MACROH2A1: variants seen among roughly 807,000 people sequenced by gnomAD.
MACROH2A1 encodes macroH2A.1 histone.
In MACROH2A1, 2 loss-of-function variants were observed where a neutral mutation model predicts 31.6. The ratio of observed to expected loss-of-function variants is 0.06; its 90% CI spans 0.03 to 0.20. The LOEUF (loss-of-function observed/expected upper bound fraction) is 0.20, where lower values mean the gene tolerates loss of function less well. Among genes scored for constraint, MACROH2A1 ranks in the 10% least tolerant of loss-of-function variants. The pLI is 1.00. For missense variants in MACROH2A1, 230 were observed against 474.0 expected (o/e 0.49, Z 4.78); for synonymous variants, 169 against 189.6 (o/e 0.89, Z 0.89).
At chr5:135,388,447 G>A (rs1766729162) in intron 2 of MACROH2A1, among the ~76,000 whole-genome samples, 2 of 152,166 alleles carry the variant, frequency 1.3e-5, no homozygotes, top group Non-Finnish European at 2.9e-5. Context: ...CCAGATTGGA[G>A]GACATTCTGC....
intron 5 of MACROH2A1, chr5:135,359,955 T>G: frequency 1.0e-6 from 1 of 957,394 alleles, no homozygotes; most frequent in Non-Finnish European, 1.2e-6. Context: ...GAAAATATAT[T>G]GCCCATGGTT....
chr5:135,362,448 AGAG>A (rs1762956470), intron 4 of MACROH2A1: 1 of 152,266 alleles, frequency 6.6e-6, no homozygotes, highest in South Asian at 2.1e-4. Flanking sequence ...CAAAGAGTTC[AGAG>A]GACTGAATGA....
At chr5:135,357,932 A>ACCTT (rs1210507767) in intron 5 of MACROH2A1, 1 of 984,910 alleles carries the variant, frequency 1.0e-6, no homozygotes, top group African/African-American at 1.7e-5. Context: ...GCACAATATC[A>ACCTT]CCTTTCTCCA....
At chr5:135,386,864 G>C (rs1026468205) in intron 2 of MACROH2A1, among the ~76,000 whole-genome samples, 6 of 152,324 alleles carry the variant, frequency 3.9e-5, no homozygotes, top group African/African-American at 1.4e-4. Context: ...GGTTGTACTT[G>C]ACCTAATGAT....
In MACROH2A1 at chr5:135,397,661, C is replaced by G. The variant is rs557330330; in HGVS notation, c.-34+1401G>C. On this transcript the variant is annotated intron_variant, in intron 1 of 8. Transcript: ENST00000511689. Reference sequence around the variant, plus strand: ...AACATACTCATCCTCATCAGAGAGTCTCTTGTGCAAGACTGAGATGCTGCT... The same window carrying G: ...AACATACTCATCCTCATCAGAGAGTGTCTTGTGCAAGACTGAGATGCTGCT... Among the ~76,000 whole-genome samples the G allele has an allele frequency of 5.3e-5, 8 of 152,318 alleles. No homozygotes were observed. The East Asian group carries it at 1.5e-3, about 29-fold the overall frequency.
chr5:135,359,358 C>G, intron 5 of MACROH2A1: 1 of 984,954 alleles, frequency 1.0e-6, no homozygotes, highest in Non-Finnish European at 1.2e-6. Context: ...GTCTTCACTG[C>G]TGAGTCGAAA....
chr5:135,360,546 G>C lies in MACROH2A1; in HGVS notation c.539C>G (p.Ala180Gly). Reference sequence around the variant, plus strand: ...GGTGGAGAGGACTGTGAAGCCGTCGGCAGGTGTGCCCTCGGTTGTGCTGTC... The same window carrying C: ...GGTGGAGAGGACTGTGAAGCCGTCGCCAGGTGTGCCCTCGGTTGTGCTGTC... ...SADSTTEGTP[A>G]DGFTVLSTKS... Residue 180 changes from alanine to glycine, a missense_variant, in exon 5 of 9, where the codon GCC becomes GGC. Ala to Gly is a moderately conservative substitution (Grantham distance 60). Coordinates refer to ENST00000511689, the MANE Select transcript of MACROH2A1 (RefSeq NM_138610.3). 1 of 1,614,046 alleles carries C rather than the reference G, an allele frequency of 6.2e-7. No homozygotes were observed. The highest frequency in any genetic ancestry group is 8.5e-7 in the Non-Finnish European group (1 of 1,179,898).
chr5:135,370,400 C>CTGAG (rs981656572), intron 2 of MACROH2A1, among the ~76,000 whole-genome samples: 77 of 152,304 alleles, frequency 5.1e-4, no homozygotes, highest in African/African-American at 1.6e-3. Context: ...CTGAAGATCA[C>CTGAG]TGAGTGAGTG....
rs573664675 is a variant in MACROH2A1 at position 135,398,769 on chromosome 5, G to A, written c.-34+293C>T. Among the ~76,000 whole-genome samples the A allele has an allele frequency of 2.3e-4, 35 of 152,354 alleles. No homozygotes were observed. The East Asian group carries it at 6.0e-3, about 26-fold the overall frequency. On this transcript the variant is annotated intron_variant, in intron 1 of 8. Coordinates refer to ENST00000511689, the MANE Select transcript of MACROH2A1 (RefSeq NM_138610.3). The surrounding 1 kb of genome is among the most constrained non-coding windows in gnomAD (Gnocchi z 4.6). ...GGTCGCCAGGGTAGGCGCCAGCACC[G>A]CTTTTTTCCCACAAAAGCGCCCAGG...
intron 2 of MACROH2A1, among the ~76,000 whole-genome samples, chr5:135,381,702 A>C (rs1249782983): frequency 6.6e-6 from 1 of 152,272 alleles, no homozygotes; most frequent in Admixed American, 6.5e-5. Context: ...CAGTGACTGA[A>C]TCTGTTTAAT....
intron 5 of MACROH2A1, chr5:135,359,759 T>C (rs573785683): frequency 2.1e-6 from 2 of 956,646 alleles, no homozygotes; most frequent in South Asian, 4.8e-5. Flanking sequence ...TCTTTAAGTA[T>C]AGGATTAAAA....
At position 135,380,557 on chromosome 5, in the gene MACROH2A1, G is replaced by A. The variant is rs534510202; in HGVS notation, c.172+8365C>T. 7.2e-5 allele frequency among the ~76,000 whole-genome samples: 11 copies of A among 152,230 alleles called. No individual in the cohort carries two copies. The South Asian group carries it at 8.3e-4, about 12-fold the overall frequency. On this transcript the variant is annotated intron_variant, in intron 2 of 8. Transcript: ENST00000511689. ...CTATAAAGCTATCATCCCAGGGAGCGCAGCCTCAGGCTGGGCCCAGGATCC... is the reference window on the plus strand; with the variant it reads ...CTATAAAGCTATCATCCCAGGGAGCACAGCCTCAGGCTGGGCCCAGGATCC...
chr5:135,352,473 G>A (rs1761703429), intron 6 of MACROH2A1, among the ~76,000 whole-genome samples: 1 of 152,246 alleles, frequency 6.6e-6, no homozygotes, highest in East Asian at 1.9e-4. Context: ...AAAAGTTGAA[G>A]TGATGGTAGT....
At position 135,353,221 on chromosome 5, in the gene MACROH2A1, G is replaced by A. The variant is rs969663475; in HGVS notation, c.589-176C>T. The A allele has an allele frequency of 3.0e-5, 17 of 569,652 alleles. 1 individual carries two copies. Among genetic ancestry groups the A allele is most frequent in the Middle Eastern group, 8.6e-4 (2 of 2,318 alleles). The allele number at this position is 569,652 out of a possible 1,614,324, so 35.3% of individuals were successfully genotyped here. A position where few individuals can be genotyped will look rare whatever the true frequency, so the allele number is the denominator to read the frequency against. On this transcript the variant is annotated intron_variant, in intron 5 of 8. Transcript: ENST00000511689. ...CAAACATAAGACTCAAATGCTGCTC[G>A]GGATGCGGGAGCAAGCAAACTAGGA...
chr5:135,378,185 GC>G (rs907329104), intron 2 of MACROH2A1, among the ~76,000 whole-genome samples: 2 of 152,204 alleles, frequency 1.3e-5, no homozygotes, highest in African/African-American at 4.8e-5. Flanking sequence ...ACCTGACTGG[GC>G]ACTGCCCTCT....
In MACROH2A1 at chr5:135,370,057, G is replaced by T; in HGVS notation, c.258C>A (p.Ala86=). The T allele has an allele frequency of 6.2e-7, 1 of 1,611,342 alleles. No homozygotes were observed. The highest frequency in any genetic ancestry group is 8.5e-7 in the Non-Finnish European group (1 of 1,177,598). The change falls in exon 3 of 9, where the codon GCC becomes GCA. Residue 86 remains alanine (A), a synonymous_variant. Transcript: ENST00000511689. ...VTPRHILLAV[A]NDEELNQLLK... ...ATACCTGATTCAGCTCTTCATCATT[G>T]GCCACAGCCAGCAGGATGTGCCGGG...
At chr5:135,360,706 C>T (rs898415635) in intron 4 of MACROH2A1, 99 bp from the exon 5 acceptor site, 2 of 842,688 alleles carry the variant, frequency 2.4e-6, no homozygotes, top group South Asian at 1.4e-5. Flanking sequence ...CAAGGGGAAA[C>T]AGGAAACTAA....
chr5:135,384,826 T>C (rs532653722), intron 2 of MACROH2A1, among the ~76,000 whole-genome samples: 25 of 152,252 alleles, frequency 1.6e-4, no homozygotes, highest in African/African-American at 6.0e-4. Flanking sequence ...TCACGGAGTA[T>C]AAAACTATAG....
At chr5:135,364,802 C>T (rs186753351) in intron 4 of MACROH2A1, among the ~76,000 whole-genome samples, 75 of 152,340 alleles carry the variant, frequency 4.9e-4, no homozygotes, top group Non-Finnish European at 8.8e-5. Flanking sequence ...GCTTCTCAAA[C>T]GAACCAATTC....
Sources: allele counts gnomAD v4.1 joint callset (sites outside exome capture counted in the v4.1 genomes callset), GRCh38; gene constraint gnomAD v4.1.1; non-coding constraint Gnocchi (gnomAD v3.1); transcripts MANE v1.5; gene names NCBI Gene and HGNC (gene_info 2026-07-23, HGNC 2026-07-21).